The following WDR37 variants were observed in gnomAD, a reference collection of about 807,000 sequenced individuals.
WDR37 encodes the protein WD repeat domain 37.
Under a neutral mutation model 62.9 loss-of-function variants are expected in WDR37, and 19 were observed. The observed-to-expected ratio is 0.30, with a 90% confidence interval of 0.21 to 0.44. The LOEUF (loss-of-function observed/expected upper bound fraction) is 0.44, where lower values mean the gene tolerates loss of function less well. Among genes scored for constraint, WDR37 ranks in the 20% least tolerant of loss-of-function variants. The probability of loss-of-function intolerance (pLI) is 1.00; values close to 1 mark genes in which losing one functional copy is unlikely to be tolerated. For missense variants in WDR37, 474 were observed against 657.6 expected (o/e 0.72, Z 3.05); for synonymous variants, 250 against 260.9 (o/e 0.96, Z 0.40).
intron 2 of WDR37, among the ~76,000 whole-genome samples, chr10:1,077,454 C>T (rs532555561): frequency 2.0e-5 from 3 of 152,194 alleles, no homozygotes; most frequent in Non-Finnish European, 4.4e-5. Context: ...TGTGCTTTTG[C>T]TTAAAGTGCA....
At chr10:1,090,181 A>G (rs1214778916) in intron 7 of WDR37, among the ~76,000 whole-genome samples, 2 of 151,416 alleles carry the variant, frequency 1.3e-5, no homozygotes, top group Admixed American at 6.6e-5. Context: ...ATTTTTTGAG[A>G]TGGAGTTTTG....
At position 1,079,991 on chromosome 10, in the gene WDR37, G is replaced by T; in HGVS notation, c.236-20G>T. ...ACATAAAAACATACTTTAGATTTTT[G>T]AAAACTTTTTTCTTCCCAGTACGTA... On this transcript the variant is annotated intron_variant, in intron 3 of 13. Coordinates refer to ENST00000263150, the MANE Select transcript of WDR37 (RefSeq NM_014023.4). 1.9e-6 allele frequency: 3 copies of T among 1,610,624 alleles called. No individual in the cohort carries two copies. The highest frequency in any genetic ancestry group is 1.1e-5 in the South Asian group (1 of 90,386).
chr10:1,128,955 G>T (rs555813262), intron 13 of WDR37, among the ~76,000 whole-genome samples: 1 of 150,336 alleles, frequency 6.7e-6, no homozygotes, highest in Non-Finnish European at 1.5e-5. Context: ...CGTGCTCGGC[G>T]GTGGTTGGTG....
At chr10:1,094,569 C>G (rs1834504241) in intron 8 of WDR37, among the ~76,000 whole-genome samples, 2 of 152,142 alleles carry the variant, frequency 1.3e-5, no homozygotes, top group Admixed American at 1.3e-4. Context: ...AAGACTAAAG[C>G]AGACAAGGAG....
At chr10:1,078,979 TC>T (rs1289825070) in intron 3 of WDR37, among the ~76,000 whole-genome samples, 8 of 152,228 alleles carry the variant, frequency 5.3e-5, no homozygotes, top group Admixed American at 3.9e-4. Flanking sequence ...GAGAATATAA[TC>T]CTCTGTCATT....
In WDR37 at chr10:1,078,732, C is replaced by T. The variant is rs534153153; in HGVS notation, c.235+729C>T. Among the ~76,000 whole-genome samples the T allele has an allele frequency of 3.9e-5, 6 of 152,306 alleles. 1 individual carries two copies. In the South Asian group the frequency reaches 1.2e-3, roughly 32 times the overall value. The stretch of plus-strand genomic sequence containing the variant: ...GTCTCACTGTGTTGCCCAGGCTGGT[C>T]TCAAACCCCTGGGCTTAAGTGGTCT... On this transcript the variant is annotated intron_variant, in intron 3 of 13. Transcript: ENST00000263150.
At chr10:1,114,842 G>T (rs548499572) in intron 11 of WDR37, among the ~76,000 whole-genome samples, 1 of 152,326 alleles carries the variant, frequency 6.6e-6, no homozygotes, top group East Asian at 1.9e-4. Context: ...CACCCAGGGG[G>T]CTGAACCCAC....
Position 1,072,185 on chromosome 10 carries a change from T to C in WDR37, c.30T>C (p.Thr10=), listed in dbSNP as rs1833751406. 1 of 1,614,096 alleles carries C rather than the reference T, an allele frequency of 6.2e-7. No homozygotes were observed. The highest frequency in any genetic ancestry group is 1.7e-5 in the Admixed American group (1 of 59,998). Residue 10 remains threonine (T), a synonymous_variant, in exon 2 of 14, where the codon ACT becomes ACC. Transcript: ENST00000263150. The stretch of plus-strand genomic sequence containing the variant: ...CCACAGAAAGCGCAAGTTGTTCGAC[T>C]GCTCGCCAAACAAAACAGAAGCGCA... The part of the protein sequence containing the change: MPTESASCS[T]ARQTKQKRKS...
At chr10:1,110,613 T>A (rs951683928) in intron 11 of WDR37, among the ~76,000 whole-genome samples, 5 of 152,170 alleles carry the variant, frequency 3.3e-5, no homozygotes, top group Non-Finnish European at 7.4e-5. Flanking sequence ...GGGTGCGGGT[T>A]TAGTTCCTGA....
At chr10:1,098,326 G>GTTTT (rs34462108) in intron 9 of WDR37, among the ~76,000 whole-genome samples, 21 of 120,276 alleles carry the variant, frequency 1.7e-4, no homozygotes, top group Non-Finnish European at 2.4e-4. Flanking sequence ...CCATCTGTCC[G>GTTTT]TTTTTTTTTT....
At chr10:1,095,391 T>G (rs1414518412) in intron 8 of WDR37, among the ~76,000 whole-genome samples, 2 of 147,402 alleles carry the variant, frequency 1.4e-5, no homozygotes, top group African/African-American at 2.5e-5. Flanking sequence ...GAGAGGAGAG[T>G]TAGAGGGGAA....
intron 11 of WDR37, among the ~76,000 whole-genome samples, chr10:1,120,520 A>G (rs1271376520): frequency 6.6e-6 from 1 of 152,208 alleles, no homozygotes; most frequent in Admixed American, 6.5e-5. Context: ...TGCCAAAGTA[A>G]TAAAGTAATA....
chr10:1,115,545 A>G (rs1360164301), intron 11 of WDR37, among the ~76,000 whole-genome samples: 1 of 152,212 alleles, frequency 6.6e-6, no homozygotes, highest in Non-Finnish European at 1.5e-5. Context: ...AAGGGAAAAG[A>G]TGTTTGGAAA....
chr10:1,131,434 C>G lies in WDR37; in HGVS notation c.*2090C>G, dbSNP rs1360922952. ...TTTGAAGCTTTTAAAAGTCAATATT[C>G]CTAGTGGCCACTGAGTTCCAGGCAC... On this transcript the variant is annotated 3_prime_UTR_variant, in exon 14 of 14. Transcript: ENST00000263150. 6.6e-6 allele frequency: 1 copy of G among 152,278 alleles called. No homozygotes were observed. The highest frequency in any genetic ancestry group is 2.4e-5 in the African/African-American group (1 of 41,472). 9.4% of individuals were successfully genotyped at this position (152,278 alleles called of 1,614,324 possible).
At chr10:1,093,021 C>G (rs1275595113) in intron 7 of WDR37, among the ~76,000 whole-genome samples, 1 of 151,968 alleles carries the variant, frequency 6.6e-6, no homozygotes, top group Non-Finnish European at 1.5e-5. Context: ...CCTGGCGTCT[C>G]TACTAGTCAC....
intron 10 of WDR37, among the ~76,000 whole-genome samples, chr10:1,104,665 A>T (rs994444592): frequency 2.6e-5 from 4 of 152,060 alleles, no homozygotes; most frequent in Non-Finnish European, 5.9e-5. Context: ...GGTGTTAGGC[A>T]TGTACGGGGT....
intron 1 of WDR37, among the ~76,000 whole-genome samples, chr10:1,069,389 A>ATATATATTTTTTTTTTTTTTTT: frequency 4.2e-5 from 4 of 95,802 alleles, no homozygotes; most frequent in African/African-American, 1.4e-4. Flanking sequence ...ATATATATAT[A>ATATATATTTTTTTTTTTTTTTT]TTTTTTTTTT....
At chr10:1,086,822 G>A (rs894438242) in intron 7 of WDR37, among the ~76,000 whole-genome samples, 20 of 152,010 alleles carry the variant, frequency 1.3e-4, no homozygotes, top group South Asian at 2.1e-4. Flanking sequence ...GTTAGTTAAC[G>A]CTGTTCACGT....
intron 3 of WDR37, 120 bp downstream of exon 3, chr10:1,078,123 T>C: frequency 1.4e-6 from 1 of 714,832 alleles, no homozygotes; most frequent in Non-Finnish European, 2.2e-6. Flanking sequence ...AAACTTATTT[T>C]AGTGGCTTAA....
Sources: allele counts gnomAD v4.1 joint callset (sites outside exome capture counted in the v4.1 genomes callset), GRCh38; gene constraint gnomAD v4.1.1; transcripts MANE v1.5; gene names NCBI Gene and HGNC (gene_info 2026-07-23, HGNC 2026-07-21).